The following EIF4E3 variants were observed in gnomAD, a reference collection of about 807,000 sequenced individuals.
EIF4E3 encodes the protein eukaryotic translation initiation factor 4E type 3.
A neutral mutation model predicts 31.7 loss-of-function variants in EIF4E3; 26 were observed. The observed-to-expected ratio is 0.82, with a 90% CI of 0.60 to 1.14. EIF4E3 has a LOEUF of 1.14. Ranked by LOEUF, EIF4E3 falls within the 50% of genes most tolerant of loss-of-function variation. The pLI is 0.00. For missense variants in EIF4E3, 304 were observed against 270.9 expected (o/e 1.12, Z -0.86); for synonymous variants, 128 against 107.7 (o/e 1.19, Z -1.17).
chr3:71,737,239 C>A (rs1020768005), intron 1 of EIF4E3, among the ~76,000 whole-genome samples: 1 of 152,144 alleles, frequency 6.6e-6, no homozygotes, highest in Non-Finnish European at 1.5e-5. Flanking sequence ...TTCACTTCTC[C>A]GAAGTCATCT....
chr3:71,688,779 G>A (rs1578334512), intron 6 of EIF4E3, among the ~76,000 whole-genome samples: 1 of 152,234 alleles, frequency 6.6e-6, no homozygotes, highest in African/African-American at 2.4e-5. Context: ...TCGGCAAATT[G>A]GCAACTTCTA....
intron 2 of EIF4E3, 125 bp downstream of exon 2, chr3:71,710,287 C>G (rs1254961470): frequency 3.6e-6 from 4 of 1,099,668 alleles, no homozygotes; most frequent in South Asian, 2.7e-5. Flanking sequence ...CAACCTGGAC[C>G]CGAGAGCCAA....
At chr3:71,728,506 G>A (rs1420924331), upstream of EIF4E3, 3 of 152,660 alleles carry the variant, frequency 2.0e-5, no homozygotes, top group East Asian at 5.8e-4. Context: ...AATGACAGAG[G>A]CGGGACTAGA....
chr3:71,699,385 T>C (rs1240028043), intron 3 of EIF4E3, among the ~76,000 whole-genome samples: 2 of 152,166 alleles, frequency 1.3e-5, no homozygotes, highest in East Asian at 3.9e-4. Context: ...TAAGGATTTA[T>C]TACTAACTGG....
chr3:71,659,536 GT>G, the EIF4E3 span, among the ~76,000 whole-genome samples: 1 of 152,228 alleles, frequency 6.6e-6, no homozygotes, highest in African/African-American at 2.4e-5. Context: ...TGGGCCATGA[GT>G]TGAGCCTCTG....
intron 6 of EIF4E3, among the ~76,000 whole-genome samples, chr3:71,688,506 T>C (rs531280168): frequency 2.6e-5 from 4 of 152,312 alleles, no homozygotes; most frequent in African/African-American, 9.6e-5. Flanking sequence ...AAGGTCACAC[T>C]GGTGAAGTGG....
In EIF4E3 at chr3:71,676,471, A is replaced by G. The variant is rs2048876048; in HGVS notation, c.*8211T>C. The G allele has an allele frequency of 6.6e-6, 1 of 152,218 alleles. No individual in the cohort carries two copies. The highest frequency in any genetic ancestry group is 2.4e-5 in the African/African-American group (1 of 41,446). The allele number at this position is 152,218 out of a possible 1,614,324, so 9.4% of individuals were successfully genotyped here. A position where few individuals can be genotyped will look rare whatever the true frequency, so the allele number is the denominator to read the frequency against. ...TCTGTACCTTTATTTTACAATAAAA[A>G]GGTTTTATAAAACCTTTGTTTCATT... On this transcript the variant is annotated 3_prime_UTR_variant, in exon 7 of 7. Coordinates refer to ENST00000425534, the MANE Select transcript of EIF4E3 (RefSeq NM_001134651.2).
intron 1 of EIF4E3, among the ~76,000 whole-genome samples, chr3:71,751,826 G>C (rs142237148): frequency 6.6e-6 from 1 of 152,274 alleles, no homozygotes; most frequent in East Asian, 1.9e-4. Flanking sequence ...GTGATCATGA[G>C]GGAAGGGCTA....
chr3:71,722,303 T>C (rs192823045), intron 1 of EIF4E3, among the ~76,000 whole-genome samples: 1 of 152,344 alleles, frequency 6.6e-6, no homozygotes, highest in East Asian at 1.9e-4. Context: ...GAAGGAGCAC[T>C]GGATCTAAGA....
intron 1 of EIF4E3, among the ~76,000 whole-genome samples, chr3:71,743,046 T>G (rs1247227711): frequency 6.6e-6 from 1 of 152,152 alleles, no homozygotes; most frequent in Non-Finnish European, 1.5e-5. Flanking sequence ...TCACGCTTAA[T>G]GGTGAAAAAC....
intron 1 of EIF4E3, among the ~76,000 whole-genome samples, chr3:71,720,799 A>C (rs1175203496): frequency 1.3e-5 from 2 of 152,188 alleles, no homozygotes; most frequent in Non-Finnish European, 2.9e-5. Flanking sequence ...GCCGGCTAGG[A>C]GGTAACTGGA....
At chr3:71,746,592 C>T (rs6801173) in intron 1 of EIF4E3, among the ~76,000 whole-genome samples, 28,796 of 152,196 alleles carry the variant, frequency 0.19, 2,753 homozygotes, top group East Asian at 0.31. Context: ...GTTCATGTTA[C>T]TTGCCAGGCT....
At chr3:71,717,047 C>A (rs111548168) in intron 1 of EIF4E3, among the ~76,000 whole-genome samples, 1 of 152,228 alleles carries the variant, frequency 6.6e-6, no homozygotes, top group Non-Finnish European at 1.5e-5. Flanking sequence ...TATCTTTTAT[C>A]AGACCACAGC....
intron 1 of EIF4E3, among the ~76,000 whole-genome samples, chr3:71,749,998 T>C (rs892627779): frequency 2.6e-5 from 4 of 152,226 alleles, no homozygotes; most frequent in Admixed American, 6.5e-5. Flanking sequence ...GAGAGAACCA[T>C]GATTTATGTA....
chr3:71,674,765 C>G (rs1276470640), downstream of EIF4E3, among the ~76,000 whole-genome samples: 1 of 152,098 alleles, frequency 6.6e-6, no homozygotes, highest in Non-Finnish European at 1.5e-5. Context: ...AATGGAAGTA[C>G]CATTTACTAA....
At chr3:71,734,352 C>T (rs13066849) in intron 1 of EIF4E3, among the ~76,000 whole-genome samples, 4,887 of 146,858 alleles carry the variant, frequency 0.033, 93 homozygotes, top group Non-Finnish European at 0.048. Flanking sequence ...GAGTCACTTT[C>T]GTCCTTTCAA....
At chr3:71,741,505 G>T (rs2049820878) in intron 1 of EIF4E3, among the ~76,000 whole-genome samples, 1 of 152,124 alleles carries the variant, frequency 6.6e-6, no homozygotes, top group African/African-American at 2.4e-5. Flanking sequence ...TGATAACAGA[G>T]CCCCAAGATA....
chr3:71,707,755 T>C (rs1224542869), intron 2 of EIF4E3, among the ~76,000 whole-genome samples: 2 of 152,306 alleles, frequency 1.3e-5, no homozygotes, highest in East Asian at 3.9e-4. Flanking sequence ...ACTGATCTAC[T>C]TCCCCTGCAA....
chr3:71,732,568 T>C (rs1420840969), intron 1 of EIF4E3, among the ~76,000 whole-genome samples: 1 of 152,232 alleles, frequency 6.6e-6, no homozygotes, highest in African/African-American at 2.4e-5. Flanking sequence ...TACCAGTGAT[T>C]GTGGCTATCA....
Sources: gnomAD v4.1 joint callset for allele counts (sites outside exome capture counted in the v4.1 genomes callset) on GRCh38, gnomAD v4.1.1 for gene constraint, MANE v1.5 for transcripts, NCBI Gene and HGNC (gene_info 2026-07-23, HGNC 2026-07-21) for gene names.